Variants in PDE7B observed in about 807,000 individuals in gnomAD.
The protein encoded by PDE7B is 3',5'-cyclic-AMP phosphodiesterase 7B.
In PDE7B, 29 loss-of-function variants were observed where a neutral mutation model predicts 56.2. The ratio of observed to expected loss-of-function variants is 0.52; its 90% CI spans 0.38 to 0.70. The LOEUF (loss-of-function observed/expected upper bound fraction) is 0.70, where lower values mean the gene tolerates loss of function less well. Among genes scored for constraint, PDE7B ranks in the 30% least tolerant of loss-of-function variants. The pLI is 0.00. For missense variants in PDE7B, 490 were observed against 565.0 expected (o/e 0.87, Z 1.35); for synonymous variants, 197 against 196.9 (o/e 1.00, Z 0.00).
chr6:136,069,333 A>C (rs1249022030), intron 2 of PDE7B, among the ~76,000 whole-genome samples: 2 of 152,244 alleles, frequency 1.3e-5, no homozygotes, highest in African/African-American at 4.8e-5. Context: ...TCTTTAAACC[A>C]TTCACAAGCA....
At chr6:135,908,233 C>T (rs1331058145) in intron 1 of PDE7B, among the ~76,000 whole-genome samples, 1 of 151,580 alleles carries the variant, frequency 6.6e-6, no homozygotes, top group Non-Finnish European at 1.5e-5. Flanking sequence ...GGATTACAGG[C>T]ATGTGCCACC....
chr6:136,107,870 T>TGTA (rs922648626), intron 2 of PDE7B, among the ~76,000 whole-genome samples: 2 of 152,204 alleles, frequency 1.3e-5, no homozygotes, highest in African/African-American at 4.8e-5. Flanking sequence ...GGCTCATGCC[T>TGTA]GTAATCCCAG....
chr6:136,013,174 A>G (rs1775921938), intron 2 of PDE7B, among the ~76,000 whole-genome samples: 1 of 152,214 alleles, frequency 6.6e-6, no homozygotes, highest in South Asian at 2.1e-4. Context: ...TCCTATGTGT[A>G]TGTAGTCACT....
At chr6:135,907,984 A>C (rs548409395) in intron 1 of PDE7B, among the ~76,000 whole-genome samples, 18 of 152,326 alleles carry the variant, frequency 1.2e-4, no homozygotes, top group Admixed American at 3.3e-4. Context: ...TGCAAAATTA[A>C]GTTCTTAGGA....
intron 1 of PDE7B, among the ~76,000 whole-genome samples, chr6:135,929,049 C>G (rs1774250356): frequency 6.6e-6 from 1 of 152,138 alleles, no homozygotes; most frequent in Non-Finnish European, 1.5e-5. Context: ...CCTAATAACA[C>G]TCAATGCAAT....
rs558401224 is a variant in PDE7B, at chr6:136,121,983, T to G, written c.166+13169T>G. On this transcript the variant is annotated intron_variant, in intron 3 of 12. Transcript: ENST00000308191. Reference sequence around the variant, plus strand: ...GTTAGAACCAGACCAGTGATGGTCTTGAATGCCAATTTATAATCTTTTTTT... The same window carrying G: ...GTTAGAACCAGACCAGTGATGGTCTGGAATGCCAATTTATAATCTTTTTTT... Among the ~76,000 whole-genome samples, 6 of 152,172 alleles carry G rather than the reference T, an allele frequency of 3.9e-5. No homozygotes were observed. The South Asian group carries it at 1.0e-3, about 26-fold the overall frequency.
chr6:136,029,147 G>C (rs981971464), intron 2 of PDE7B, among the ~76,000 whole-genome samples: 1 of 152,164 alleles, frequency 6.6e-6, no homozygotes, highest in Non-Finnish European at 1.5e-5. Flanking sequence ...GTTTGAAAAT[G>C]ACATGATTAT....
At chr6:136,145,346 G>T (rs916948655) in intron 3 of PDE7B, among the ~76,000 whole-genome samples, 2 of 152,016 alleles carry the variant, frequency 1.3e-5, no homozygotes, top group African/African-American at 4.8e-5. Context: ...ATTTTTAAAT[G>T]ATTCCATCAT....
intron 3 of PDE7B, among the ~76,000 whole-genome samples, chr6:136,123,009 G>C (rs908316225): frequency 6.6e-6 from 1 of 152,136 alleles, no homozygotes; most frequent in African/African-American, 2.4e-5. Context: ...TGTGTCAGGC[G>C]CTCTTCTAAT....
intron 1 of PDE7B, among the ~76,000 whole-genome samples, chr6:135,876,193 A>G (rs570064434): frequency 3.3e-5 from 5 of 152,194 alleles, no homozygotes; most frequent in Non-Finnish European, 5.9e-5. Flanking sequence ...AGAGTTTGGC[A>G]TTAGCAGGAA....
rs542060410 is a variant in PDE7B at position 136,039,894 on chromosome 6, A to C, written c.83-68837A>C. 6.6e-5 allele frequency among the ~76,000 whole-genome samples: 10 copies of C among 152,352 alleles called. No individual in the cohort carries two copies. In the South Asian group the frequency reaches 2.1e-3, roughly 32 times the overall value. ...ACTCTTAGCACTTTAGGTTTGTTTC[A>C]GTCAATTAAATGATTAAAATTCATA... On this transcript the variant is annotated intron_variant, in intron 2 of 12. Transcript: ENST00000308191.
intron 2 of PDE7B, among the ~76,000 whole-genome samples, chr6:136,028,630 T>A (rs1562473729): frequency 6.6e-6 from 1 of 152,194 alleles, no homozygotes; most frequent in Admixed American, 6.5e-5. Flanking sequence ...CCAAGGCCCC[T>A]TTCCATCTTC....
At chr6:136,151,021 C>A (rs573499483) in intron 5 of PDE7B, 139 bp from the exon 6 acceptor site, 1 of 574,382 alleles carries the variant, frequency 1.7e-6, no homozygotes. Context: ...TATGCTCTAT[C>A]CTTGAATAAT....
chr6:136,011,231 AG>A (rs1316496131), intron 2 of PDE7B, among the ~76,000 whole-genome samples: 1 of 152,182 alleles, frequency 6.6e-6, no homozygotes, highest in East Asian at 1.9e-4. Context: ...AGCAGAGATC[AG>A]GGTATCAGGG....
chr6:135,974,348 A>C (rs539969817), intron 2 of PDE7B, among the ~76,000 whole-genome samples: 1 of 152,130 alleles, frequency 6.6e-6, no homozygotes, highest in African/African-American at 2.4e-5. Context: ...ATATATGTAC[A>C]TATATAAAAT....
intron 1 of PDE7B, among the ~76,000 whole-genome samples, chr6:135,857,595 G>A (rs2128183862): frequency 6.6e-6 from 1 of 152,166 alleles, no homozygotes; most frequent in Non-Finnish European, 1.5e-5. Context: ...AACGGTCAGT[G>A]TTTTACATTC....
At chr6:136,162,630 C>T (rs1309351499) in intron 8 of PDE7B, among the ~76,000 whole-genome samples, 1 of 152,152 alleles carries the variant, frequency 6.6e-6, no homozygotes, top group African/African-American at 2.4e-5. Flanking sequence ...TAACTCATTC[C>T]AGCATTAACC....
At position 135,934,469 on chromosome 6, in the gene PDE7B, G is replaced by A. The variant is rs532021089; in HGVS notation, c.22-12995G>A. ...GGGCCCAGTGCAGTGGCTCACGCCTGTAATCCCAGCACTTTGGGAGGCCAA... is the reference window on the plus strand; with the variant it reads ...GGGCCCAGTGCAGTGGCTCACGCCTATAATCCCAGCACTTTGGGAGGCCAA... On this transcript the variant is annotated intron_variant, in intron 1 of 12. Coordinates refer to ENST00000308191, the MANE Select transcript of PDE7B (RefSeq NM_018945.4). Among the ~76,000 whole-genome samples the A allele has an allele frequency of 2.1e-3, 318 of 151,930 alleles. 2 individuals carry two copies. Among genetic ancestry groups the A allele is most frequent in the African/African-American group, 7.3e-3 (304 of 41,438 alleles).
intron 2 of PDE7B, among the ~76,000 whole-genome samples, chr6:136,004,938 A>T (rs1039095272): frequency 1.3e-5 from 2 of 152,200 alleles, no homozygotes; most frequent in African/African-American, 2.4e-5. Context: ...GCATCACGCT[A>T]CCTGACTTCA....
Sources: allele counts gnomAD v4.1 joint callset (sites outside exome capture counted in the v4.1 genomes callset), GRCh38; gene constraint gnomAD v4.1.1; transcripts MANE v1.5; gene names NCBI Gene and HGNC (gene_info 2026-07-23, HGNC 2026-07-21).